Variants in DNAH7 observed in about 807,000 individuals in gnomAD.
DNAH7 encodes axonemal beta dynein heavy chain 7.
DNAH7 carries 397 observed loss-of-function variants against 444.6 expected under a neutral mutation model. That is an observed-to-expected ratio of 0.89 (90% CI 0.82 to 0.97). DNAH7 has a LOEUF of 0.97. DNAH7 is among the 50% of genes least tolerant of loss of function. DNAH7 has a pLI of 0.00. For synonymous variants in DNAH7, 1,636 were observed against 1,624.4 expected (o/e 1.01, Z -0.17); for missense variants, 4,902 against 4,800.8 (o/e 1.02, Z -0.62).
chr2:195,960,331 C>T lies in DNAH7; in HGVS notation c.2820G>A (p.Leu940=). The part of the protein sequence containing the change: ...LASVDEIQML[L]DDHIIKTQTM... The stretch of plus-strand genomic sequence containing the variant: ...TTTGTGTTTTAATAATATGGTCATC[C>T]AACAACATCTGAATTTCATCAACTG... The change falls in exon 18 of 65, where the codon TTG becomes TTA. Residue 940 remains leucine, a synonymous_variant. Transcript: ENST00000312428. 1 of 1,613,702 alleles carries T rather than the reference C, an allele frequency of 6.2e-7. No homozygotes were observed. Among genetic ancestry groups the T allele is most frequent in the East Asian group, 2.2e-5 (1 of 44,884 alleles).
rs1695122578 is a variant in DNAH7 at position 195,777,661 on chromosome 2, C to T, written c.11064+139G>A. ...ACCTATAGCGTGAGCTTTGTTTTAT[C>T]CCTATATGACTGAAGAAAGCACAGA... On this transcript the variant is annotated intron_variant, in intron 59 of 64. Coordinates refer to ENST00000312428, the MANE Select transcript of DNAH7 (RefSeq NM_018897.3). The T allele has an allele frequency of 6.7e-5, 53 of 790,398 alleles. No individual in the cohort carries two copies. In the South Asian group the frequency reaches 1.1e-3, roughly 16 times the overall value. The allele number at this position is 790,398 out of a possible 1,614,324, so 49.0% of individuals were successfully genotyped here.
rs1693049029 is a variant in DNAH7, at chr2:195,988,130, C to A, written c.1453G>T (p.Val485Leu). Residue 485 changes from valine (V) to leucine (L), a missense_variant, in exon 13 of 65, where the codon GTG (valine) becomes TTG (leucine). Physicochemically the swap from Val to Leu is conservative, Grantham distance 32 (BLOSUM62 1). Coordinates refer to ENST00000312428, the MANE Select transcript of DNAH7 (RefSeq NM_018897.3). ...AGTCTGAGGTGCTCAGTAGGTGCCA[C>A]ACTCTCTTTCATAATAACTTCCTTG... ...KIKEVIMKES[V>L]APTEHLRLYD... 2 of 1,613,560 alleles carry A rather than the reference C, an allele frequency of 1.2e-6. No individual in the cohort carries two copies. Among genetic ancestry groups the A allele is most frequent in the Non-Finnish European group, 1.7e-6 (2 of 1,179,758 alleles).
At chr2:195,965,566 A>G (rs1691417821) in intron 17 of DNAH7, among the ~76,000 whole-genome samples, 1 of 152,196 alleles carries the variant, frequency 6.6e-6, no homozygotes, top group South Asian at 2.1e-4. Context: ...AATGTTGGCT[A>G]GAATTTAGCA....
At chr2:195,812,884 C>A (rs964444468) in intron 51 of DNAH7, among the ~76,000 whole-genome samples, 4 of 152,146 alleles carry the variant, frequency 2.6e-5, no homozygotes, top group African/African-American at 9.7e-5. Context: ...AGAACTCATT[C>A]TCTTTTTAAT....
rs1452049165 is a variant in DNAH7 at position 195,856,491 on chromosome 2, T to A, written c.8415-500A>T. ...AGTATCTGGAAAATGGAGTCAGTCA[T>A]GTTATCTAACAAACATTAAATTAAT... is the stretch of plus-strand genomic sequence containing the variant. On this transcript the variant is annotated intron_variant, in intron 44 of 64. Coordinates refer to ENST00000312428, the MANE Select transcript of DNAH7 (RefSeq NM_018897.3). 2.0e-5 allele frequency among the ~76,000 whole-genome samples: 3 copies of A among 152,214 alleles called. No individual in the cohort carries two copies. The East Asian group carries it at 5.8e-4, about 29-fold the overall frequency.
At chr2:195,884,877 A>G in intron 34 of DNAH7, 68 bp from the exon 35 acceptor site, 2 of 1,296,348 alleles carry the variant, frequency 1.5e-6, no homozygotes, top group Middle Eastern at 2.7e-4. Context: ...TGAAGCTTAC[A>G]TATCAGATCA....
chr2:195,820,522 G>A (rs1697414254), intron 49 of DNAH7, among the ~76,000 whole-genome samples: 1 of 151,104 alleles, frequency 6.6e-6, no homozygotes, highest in Non-Finnish European at 1.5e-5. Flanking sequence ...AAAAATTTCA[G>A]CAACTACCAC....
intron 1 of DNAH7, among the ~76,000 whole-genome samples, chr2:196,060,661 A>G (rs1698085968): frequency 6.6e-6 from 1 of 152,090 alleles, no homozygotes; most frequent in Non-Finnish European, 1.5e-5. Context: ...TATTCCCTCT[A>G]GCAATTGCCC....
intron 40 of DNAH7, among the ~76,000 whole-genome samples, chr2:195,866,827 G>A (rs1431109032): frequency 6.6e-6 from 1 of 152,140 alleles, no homozygotes; most frequent in Non-Finnish European, 1.5e-5. Context: ...ATTCCCACGT[G>A]TTGTGGGAGG....
At chr2:195,791,896 G>A (rs1306907588) in intron 57 of DNAH7, among the ~76,000 whole-genome samples, 1 of 152,214 alleles carries the variant, frequency 6.6e-6, no homozygotes, top group Non-Finnish European at 1.5e-5. Context: ...GCCAGGTGCA[G>A]TGGCTCATGC....
chr2:196,018,527 T>C (rs914500068), intron 9 of DNAH7, among the ~76,000 whole-genome samples: 2 of 152,124 alleles, frequency 1.3e-5, no homozygotes, highest in South Asian at 2.1e-4. Context: ...TAAATGTCCT[T>C]GGAATTCAAA....
In DNAH7 at chr2:195,876,568, A is replaced by C; in HGVS notation, c.6093T>G (p.Phe2031Leu). The change falls in exon 37 of 65, where the codon TTT (phenylalanine) becomes TTG (leucine). Residue 2031 changes from phenylalanine to leucine, a missense_variant. By Grantham distance (22) the Phe-to-Leu change is conservative. Coordinates refer to ENST00000312428, the MANE Select transcript of DNAH7 (RefSeq NM_018897.3). ...CCATTCTCTTGCCCAAAGGAGGACC[A>C]AAAACTCCCTTTCTTCTCTTGTCCA... is the stretch of plus-strand genomic sequence containing the variant. ...SKLDKRRKGV[F>L]GPPLGKRMVV... 6.2e-7 allele frequency: 1 copy of C among 1,613,312 alleles called. No homozygotes were observed.
chr2:195,891,165 A>T (rs879129604), intron 31 of DNAH7, among the ~76,000 whole-genome samples: 1 of 152,244 alleles, frequency 6.6e-6, no homozygotes, highest in Admixed American at 6.5e-5. Flanking sequence ...TCCACAAGGC[A>T]GTCATTCTCT....
chr2:195,858,620 C>A lies in DNAH7; in HGVS notation c.7921G>T (p.Glu2641Ter). The change falls in exon 43 of 65, where the codon GAA (glutamate) becomes TAA (stop). Residue 2641 changes from glutamate to a stop codon, truncating the protein, a stop_gained. Transcript: ENST00000312428. LOFTEE classifies it high-confidence loss of function. ...GTTTCATCAGCTTTCACTATTTTTT[C>A]AGTTTTGGCAACTTCTACAGACTCT... The part of the protein sequence containing the change: ...EKESVEVAKT[E>*]KIVKADETIA... 2 of 1,613,902 alleles carry A rather than the reference C, an allele frequency of 1.2e-6. No individual in the cohort carries two copies. The highest frequency in any genetic ancestry group is 1.7e-6 in the Non-Finnish European group (2 of 1,179,904).
chr2:195,771,800 C>T lies in DNAH7; in HGVS notation c.11293G>A (p.Asp3765Asn), dbSNP rs769961852. Residue 3765 changes from aspartate (D) to asparagine (N), a missense_variant, in exon 61 of 65, where the codon GAC (aspartate) becomes AAC (asparagine). Physicochemically the swap from Asp to Asn is conservative, Grantham distance 23. Transcript: ENST00000312428. The stretch of plus-strand genomic sequence containing the variant: ...TACCTCCTCATGGCAGCCTCGATGT[C>T]GAAGTTGTTTGGAAGTTTGCCCAAG... Reference protein sequence around the residue: ...DILGKLPNNFDIEAAMRRYPT... With the variant: ...DILGKLPNNFNIEAAMRRYPT... 5.6e-6 allele frequency: 9 copies of T among 1,613,980 alleles called. No individual in the cohort carries two copies. Among genetic ancestry groups the T allele is most frequent in the East Asian group, 4.5e-5 (2 of 44,890 alleles).
intron 21 of DNAH7, 80 bp downstream of exon 21, chr2:195,934,511 G>A: frequency 1.4e-6 from 2 of 1,417,496 alleles, no homozygotes; most frequent in East Asian, 4.6e-5. Context: ...TTAAATAACA[G>A]TACATTTATC....
chr2:195,967,913 G>T (rs1265671927), intron 17 of DNAH7, among the ~76,000 whole-genome samples: 1 of 151,964 alleles, frequency 6.6e-6, no homozygotes, highest in Non-Finnish European at 1.5e-5. Context: ...TACTAAGCTT[G>T]AACCCAAACC....
At chr2:195,801,504 G>C (rs976828329) in intron 54 of DNAH7, among the ~76,000 whole-genome samples, 11 of 152,102 alleles carry the variant, frequency 7.2e-5, no homozygotes, top group African/African-American at 2.7e-4. Flanking sequence ...GTAATGGAAA[G>C]ATTTTTTGAA....
Position 196,019,259 on chromosome 2 carries a change from A to G in DNAH7, c.780T>C (p.Phe260=). The change falls in exon 9 of 65, where the codon TTT becomes TTC. Residue 260 remains phenylalanine, a synonymous_variant. Coordinates refer to ENST00000312428, the MANE Select transcript of DNAH7 (RefSeq NM_018897.3). ...EILPKPWRKS[F]LAASSYIRDH... The stretch of plus-strand genomic sequence containing the variant: ...CCCTAATATAACTGCTTGCAGCTAA[A>G]AAAGATTTCCTCCAAGGTTTTGGCA... 6.6e-7 allele frequency: 1 copy of G among 1,509,588 alleles called. No individual in the cohort carries two copies. The highest frequency in any genetic ancestry group is 1.4e-5 in the African/African-American group (1 of 73,366). 93.5% of individuals were successfully genotyped at this position (1,509,588 alleles called of 1,614,324 possible). A position where few individuals can be genotyped will look rare whatever the true frequency, so the allele number is the denominator to read the frequency against.
Sources: allele counts gnomAD v4.1 joint callset (sites outside exome capture counted in the v4.1 genomes callset), GRCh38; gene constraint gnomAD v4.1.1; transcripts MANE v1.5; gene names NCBI Gene and HGNC (gene_info 2026-07-23, HGNC 2026-07-21).